QTMAN: variants seen among roughly 807,000 people sequenced by gnomAD.
The protein encoded by QTMAN is queuosine-tRNA mannosyltransferase, also known as tRNA-queuosine alpha-mannosyltransferase.
chr2:144,332,832 A>C, the QTMAN span, among the ~76,000 whole-genome samples: 1 of 149,388 alleles, frequency 6.7e-6, no homozygotes, highest in Non-Finnish European at 1.5e-5. Flanking sequence ...GCTTTTTCGT[A>C]CTCTTTCCCC....
At chr2:143,982,652 C>T in the QTMAN span, among the ~76,000 whole-genome samples, 6,060 of 151,374 alleles carry the variant, frequency 0.04, 236 homozygotes, top group East Asian at 0.17. Flanking sequence ...CTTGAGGTCA[C>T]GAGTTCGAGA....
the QTMAN span, among the ~76,000 whole-genome samples, chr2:144,270,050 A>AG: frequency 5.9e-5 from 9 of 152,204 alleles, no homozygotes; most frequent in Admixed American, 2.0e-4. Context: ...ATATTATAAT[A>AG]CCACATTTTA....
the QTMAN span, among the ~76,000 whole-genome samples, chr2:144,280,476 GT>G: frequency 1.3e-5 from 2 of 152,034 alleles, no homozygotes; most frequent in Non-Finnish European, 2.9e-5. Context: ...GATTTTGGGG[GT>G]TTTTTTGTTG....
At chr2:144,324,882 A>G in the QTMAN span, among the ~76,000 whole-genome samples, 4 of 151,936 alleles carry the variant, frequency 2.6e-5, no homozygotes, top group African/African-American at 9.7e-5. Flanking sequence ...TAGAAGACAA[A>G]CGTCATCACA....
At chr2:143,980,735 A>T in the QTMAN span, among the ~76,000 whole-genome samples, 2 of 152,126 alleles carry the variant, frequency 1.3e-5, no homozygotes, top group South Asian at 4.2e-4. Context: ...TTATAGTACA[A>T]TGTTTTCACG....
At chr2:144,313,575 T>C in the QTMAN span, among the ~76,000 whole-genome samples, 3 of 152,172 alleles carry the variant, frequency 2.0e-5, no homozygotes, top group East Asian at 1.9e-4. Context: ...CCTTAAAGAT[T>C]AGTATTATTC....
the QTMAN span, among the ~76,000 whole-genome samples, chr2:144,049,883 A>G: frequency 1.3e-5 from 2 of 152,182 alleles, no homozygotes; most frequent in African/African-American, 4.8e-5. Context: ...TTACATTTCT[A>G]GATATAATTA....
chr2:144,133,245 A>ACATATAT, the QTMAN span, among the ~76,000 whole-genome samples: 1 of 50,690 alleles, frequency 2.0e-5, no homozygotes, highest in African/African-American at 1.6e-4. Context: ...ATTTATATAT[A>ACATATAT]AATATATATA....
the QTMAN span, chr2:143,940,948 C>T: frequency 6.6e-6 from 1 of 152,336 alleles, no homozygotes; most frequent in African/African-American, 2.4e-5. Context: ...CAAGCACTGG[C>T]TGGTGTAACA....
At chr2:143,956,988 C>T in the QTMAN span, among the ~76,000 whole-genome samples, 25 of 151,988 alleles carry the variant, frequency 1.6e-4, no homozygotes, top group African/African-American at 5.6e-4. Flanking sequence ...TGCCTTTATA[C>T]GATTGTATGT....
At chr2:144,201,490 T>C in the QTMAN span, among the ~76,000 whole-genome samples, 10 of 152,154 alleles carry the variant, frequency 6.6e-5, no homozygotes, top group Admixed American at 5.2e-4. Context: ...ACATAGGCAA[T>C]AGGAAATCAC....
At chr2:144,328,399 T>C in the QTMAN span, among the ~76,000 whole-genome samples, 6 of 152,244 alleles carry the variant, frequency 3.9e-5, no homozygotes, top group Admixed American at 3.3e-4. Context: ...TGAAATATTC[T>C]AGATGCCTCA....
the QTMAN span, chr2:143,942,306 C>A: frequency 3.0e-5 from 5 of 167,126 alleles, no homozygotes; most frequent in African/African-American, 1.2e-4. Context: ...AAATGGACTG[C>A]AGAGTGAGTG....
chr2:144,246,295 C>T, the QTMAN span, among the ~76,000 whole-genome samples: 9 of 152,076 alleles, frequency 5.9e-5, no homozygotes, highest in African/African-American at 1.9e-4. Context: ...ATTTAAAGGC[C>T]GGGCGCGGTG....
the QTMAN span, among the ~76,000 whole-genome samples, chr2:144,266,815 C>A: frequency 6.6e-6 from 1 of 152,144 alleles, no homozygotes; most frequent in Non-Finnish European, 1.5e-5. Flanking sequence ...GACCTTCCTA[C>A]TTCACAAATT....
chr2:144,192,806 T>G, the QTMAN span, among the ~76,000 whole-genome samples: 9 of 152,354 alleles, frequency 5.9e-5, no homozygotes, highest in Admixed American at 2.0e-4. Flanking sequence ...CAATTTCTCT[T>G]GTGAACAAGA....
chr2:144,321,909 A>G, the QTMAN span, among the ~76,000 whole-genome samples: 2 of 152,192 alleles, frequency 1.3e-5, no homozygotes, highest in Non-Finnish European at 2.9e-5. Flanking sequence ...GCCATGGTGA[A>G]CAGCTCCAAA....
the QTMAN span, among the ~76,000 whole-genome samples, chr2:144,087,513 A>G: frequency 2.6e-5 from 4 of 152,054 alleles, no homozygotes; most frequent in African/African-American, 9.7e-5. Flanking sequence ...ACAACAACAA[A>G]AAAACTACAG....
the QTMAN span, among the ~76,000 whole-genome samples, chr2:144,187,606 C>A: frequency 6.6e-6 from 1 of 152,120 alleles, no homozygotes; most frequent in Non-Finnish European, 1.5e-5. Context: ...TATCTTACAG[C>A]GTCTTCTGGT....
Sources: gnomAD v4.1 joint callset for allele counts (sites outside exome capture counted in the v4.1 genomes callset) on GRCh38, gnomAD v4.1.1 for gene constraint, MANE v1.5 for transcripts, NCBI Gene and HGNC (gene_info 2026-07-23, HGNC 2026-07-21) for gene names.